ZBBX: variants seen among roughly 807,000 people sequenced by gnomAD.
The protein encoded by ZBBX is zinc finger B-box domain-containing protein 1.
A neutral mutation model predicts 108.5 loss-of-function variants in ZBBX; 101 were observed. The observed-to-expected ratio is 0.93, with a 90% CI of 0.79 to 1.10. The LOEUF (loss-of-function observed/expected upper bound fraction) is 1.10. Among genes scored for constraint, ZBBX ranks in the 50% least tolerant of loss-of-function variants. The probability of loss-of-function intolerance (pLI) is 0.00; values close to 1 mark genes in which losing one functional copy is unlikely to be tolerated. For synonymous variants in ZBBX, 356 were observed against 323.4 expected, an observed-to-expected ratio of 1.10 and a Z score of -1.08; for missense variants, 1,009 against 941.4, an observed-to-expected ratio of 1.07 and a Z score of -0.94.
chr3:167,367,697 T>C (rs1490582601), intron 5 of ZBBX, among the ~76,000 whole-genome samples: 1 of 151,272 alleles, frequency 6.6e-6, no homozygotes, highest in African/African-American at 2.4e-5. Context: ...AAGACATTTG[T>C]GGAGAAAATT....
At chr3:167,263,965 T>C (rs1459528212) in intron 20 of ZBBX, among the ~76,000 whole-genome samples, 1 of 152,254 alleles carries the variant, frequency 6.6e-6, no homozygotes, top group Non-Finnish European at 1.5e-5. Context: ...TATCATTATA[T>C]AATGACCTTC....
intron 8 of ZBBX, 76 bp from the exon 9 acceptor site, chr3:167,350,591 G>A: frequency 9.5e-7 from 1 of 1,053,080 alleles, no homozygotes; most frequent in Non-Finnish European, 1.3e-6. Context: ...GCATAAAGAT[G>A]TCTTGTTTTT....
At chr3:167,308,200 TAAG>T (rs746745794) in intron 16 of ZBBX, among the ~76,000 whole-genome samples, 30 of 152,056 alleles carry the variant, frequency 2.0e-4, no homozygotes, top group Non-Finnish European at 4.0e-4. Flanking sequence ...CACAATCCTA[TAAG>T]AAGAAGCTCA....
intron 19 of ZBBX, among the ~76,000 whole-genome samples, chr3:167,287,325 C>T (rs1411328754): frequency 6.6e-6 from 1 of 152,046 alleles, no homozygotes; most frequent in Non-Finnish European, 1.5e-5. Context: ...TTTATATTAG[C>T]ATAACACGGA....
At chr3:167,284,030 T>C (rs749542815) in intron 19 of ZBBX, among the ~76,000 whole-genome samples, 2 of 152,124 alleles carry the variant, frequency 1.3e-5, no homozygotes, top group Non-Finnish European at 2.9e-5. Context: ...TCTCAAAGGG[T>C]ACCAACTTTA....
At chr3:167,364,060 TAC>T (rs1394748475) in intron 6 of ZBBX, among the ~76,000 whole-genome samples, 1 of 151,972 alleles carries the variant, frequency 6.6e-6, no homozygotes, top group African/African-American at 2.4e-5. Context: ...TATAATCTAA[TAC>T]AGAGTTTCTA....
At chr3:167,267,370 G>A (rs1725713621) in intron 20 of ZBBX, among the ~76,000 whole-genome samples, 2 of 152,112 alleles carry the variant, frequency 1.3e-5, no homozygotes, top group South Asian at 4.1e-4. Flanking sequence ...AAGCCTCCAG[G>A]GAAGGATAGG....
the ZBBX span, among the ~76,000 whole-genome samples, chr3:167,183,131 C>G: frequency 6.6e-6 from 1 of 152,172 alleles, no homozygotes; most frequent in African/African-American, 2.4e-5. Flanking sequence ...AAACCTCTCC[C>G]TCCTTTGCCA....
At chr3:167,258,784 G>T (rs1723962035) in intron 20 of ZBBX, among the ~76,000 whole-genome samples, 1 of 152,144 alleles carries the variant, frequency 6.6e-6, no homozygotes, top group South Asian at 2.1e-4. Context: ...TTATTGACTT[G>T]ATTATGGCAA....
At chr3:167,209,454 G>C in the ZBBX span, among the ~76,000 whole-genome samples, 119 of 151,826 alleles carry the variant, frequency 7.8e-4, 1 homozygote, top group African/African-American at 2.8e-3. Flanking sequence ...TGGTAATCCA[G>C]AAAATTCTTC....
rs769894202 is a variant in ZBBX at position 167,240,814 on chromosome 3, T to C, written c.2499A>G (p.Leu833=). The change falls in exon 22 of 22, where the codon CTA becomes CTG. Residue 833 remains leucine, a synonymous_variant. Coordinates refer to ENST00000675490, the MANE Select transcript of ZBBX (RefSeq NM_001199201.2). ...DFLNKQHVIT[L]PWSKST ...ATCTTTAAGTACTCTTTGACCACGG[T>C]AGTGTGATGACATGTTGCTTGTTGA... 1.9e-6 allele frequency: 3 copies of C among 1,613,456 alleles called. No homozygotes were observed. In the South Asian group the frequency reaches 3.3e-5, roughly 18 times the overall value.
chr3:167,211,701 C>T, the ZBBX span, among the ~76,000 whole-genome samples: 6 of 150,920 alleles, frequency 4.0e-5, no homozygotes, highest in Admixed American at 3.3e-4. Flanking sequence ...GCACAGTTGT[C>T]TACAAAAACA....
intron 11 of ZBBX, among the ~76,000 whole-genome samples, chr3:167,323,242 G>GGA (rs1553815552): frequency 6.7e-6 from 1 of 148,908 alleles, no homozygotes; most frequent in Non-Finnish European, 1.5e-5. Context: ...TAAAAGAGGG[G>GGA]GGGGGGGGAA....
Position 167,305,821 on chromosome 3 carries a change from T to C in ZBBX, c.1547A>G (p.Asn516Ser), listed in dbSNP as rs755872140. Residue 516 changes from asparagine to serine, a missense_variant, in exon 17 of 22, where the codon AAT (asparagine) becomes AGT (serine). Coordinates refer to ENST00000675490, the MANE Select transcript of ZBBX (RefSeq NM_001199201.2). ...TACACAGGAATCATCAGACTTTTGA[T>C]TACTTTCTAAACCTATATTTTTCTC... ...LKEKNIGLESNQKSDDSCVSL... is the reference protein window; with the variant it reads ...LKEKNIGLESSQKSDDSCVSL... 2.8e-5 allele frequency: 45 copies of C among 1,612,590 alleles called. No homozygotes were observed. The South Asian group carries it at 4.4e-4, about 16-fold the overall frequency.
intron 9 of ZBBX, among the ~76,000 whole-genome samples, chr3:167,335,453 A>G (rs1739393136): frequency 6.6e-6 from 1 of 152,086 alleles, no homozygotes. Context: ...CTGAGTTTGA[A>G]TTAAACTCCA....
the ZBBX span, among the ~76,000 whole-genome samples, chr3:167,192,753 G>A: frequency 1.3e-5 from 2 of 152,042 alleles, no homozygotes; most frequent in African/African-American, 4.8e-5. Context: ...CTGCTGTTAA[G>A]AGCCTCTATC....
the ZBBX span, among the ~76,000 whole-genome samples, chr3:167,187,308 T>A: frequency 6.6e-6 from 1 of 152,206 alleles, no homozygotes; most frequent in African/African-American, 2.4e-5. Context: ...CACAGATTGG[T>A]GGTTCTACGT....
chr3:167,343,402 C>A (rs989545660), intron 9 of ZBBX, among the ~76,000 whole-genome samples: 2 of 151,906 alleles, frequency 1.3e-5, no homozygotes, highest in Non-Finnish European at 2.9e-5. Flanking sequence ...TACATTCTCC[C>A]AACTCTTCAT....
chr3:167,381,145 A>C (rs1018254192), upstream of ZBBX, among the ~76,000 whole-genome samples: 4 of 152,074 alleles, frequency 2.6e-5, no homozygotes, highest in Non-Finnish European at 5.9e-5. Flanking sequence ...ATTACTTTTG[A>C]CATTACTATG....
Sources: allele counts gnomAD v4.1 joint callset (sites outside exome capture counted in the v4.1 genomes callset), GRCh38; gene constraint gnomAD v4.1.1; transcripts MANE v1.5; gene names NCBI Gene and HGNC (gene_info 2026-07-23, HGNC 2026-07-21).